The following MYO5C variants were observed in gnomAD, a reference collection of about 807,000 sequenced individuals.
MYO5C encodes the protein myosin VC, also known as unconventional myosin-Vc.
In MYO5C, 194 loss-of-function variants were observed where a neutral mutation model predicts 235.7. That is an observed-to-expected ratio of 0.82 (90% CI 0.73 to 0.93). The LOEUF is 0.93. Among genes scored for constraint, MYO5C ranks in the 40% least tolerant of loss-of-function variants. MYO5C has a pLI of 0.00. For synonymous variants in MYO5C, 707 were observed against 754.8 expected, an observed-to-expected ratio of 0.94 and a Z score of 1.04; for missense variants, 2,038 against 2,127.2, an observed-to-expected ratio of 0.96 and a Z score of 0.82.
chr15:52,247,031 G>C lies in MYO5C; in HGVS notation c.1882-17C>G. 2 of 1,602,250 alleles carry C rather than the reference G, an allele frequency of 1.2e-6. No homozygotes were observed. Among genetic ancestry groups the C allele is most frequent in the African/African-American group, 2.7e-5 (2 of 74,674 alleles). ...GCTGCGGAACTAGGAAACAAAGCTA[G>C]AGATCAAACATGGCTCTGAAATAAT... On this transcript the variant is annotated splice_polypyrimidine_tract_variant and intron_variant, in intron 15 of 40. Transcript: ENST00000261839.
chr15:52,260,443 T>G (rs2036670175), intron 10 of MYO5C, among the ~76,000 whole-genome samples: 1 of 152,208 alleles, frequency 6.6e-6, no homozygotes, highest in Non-Finnish European at 1.5e-5. Context: ...CAGGGGCCTT[T>G]GGTGGGAAAA....
At chr15:52,226,839 G>A (rs1448763254) in intron 25 of MYO5C, among the ~76,000 whole-genome samples, 3 of 152,290 alleles carry the variant, frequency 2.0e-5, no homozygotes, top group Non-Finnish European at 4.4e-5. Flanking sequence ...TGATGATCAT[G>A]AGTTATTTTC....
At chr15:52,278,186 G>C (rs1036419182) in intron 4 of MYO5C, among the ~76,000 whole-genome samples, 4 of 152,216 alleles carry the variant, frequency 2.6e-5, no homozygotes, top group African/African-American at 9.6e-5. Flanking sequence ...AGACACTGAA[G>C]CCAAAAGTGA....
intron 10 of MYO5C, among the ~76,000 whole-genome samples, chr15:52,257,702 G>C (rs1343042177): frequency 6.6e-6 from 1 of 152,224 alleles, no homozygotes; most frequent in Non-Finnish European, 1.5e-5. Flanking sequence ...ACGAGGGTCA[G>C]AGAAGGAGTG....
intron 16 of MYO5C, among the ~76,000 whole-genome samples, chr15:52,246,280 G>C (rs904977235): frequency 1.3e-5 from 2 of 152,206 alleles, no homozygotes; most frequent in Admixed American, 1.3e-4. Context: ...AGAAGGCCAT[G>C]GGGGAACTGG....
intron 36 of MYO5C, among the ~76,000 whole-genome samples, chr15:52,206,508 G>C (rs2141268669): frequency 6.6e-6 from 1 of 152,222 alleles, no homozygotes; most frequent in South Asian, 2.1e-4. Context: ...ATAGGGCCGT[G>C]ATCTAATAAT....
At chr15:52,281,262 A>G (rs942699682) in intron 2 of MYO5C, among the ~76,000 whole-genome samples, 1 of 152,108 alleles carries the variant, frequency 6.6e-6, no homozygotes, top group African/African-American at 2.4e-5. Flanking sequence ...CAGAGGTGAC[A>G]TTTTCCTACA....
intron 36 of MYO5C, among the ~76,000 whole-genome samples, chr15:52,206,641 A>G (rs1004617506): frequency 6.6e-6 from 1 of 152,186 alleles, no homozygotes; most frequent in South Asian, 2.1e-4. Context: ...GGCTGTCAGC[A>G]AGCCAGGAAG....
chr15:52,287,495 A>G (rs1596236873), intron 1 of MYO5C, among the ~76,000 whole-genome samples: 1 of 152,350 alleles, frequency 6.6e-6, no homozygotes, highest in South Asian at 2.1e-4. Flanking sequence ...ATATGTACCT[A>G]TTACTTTCAT....
intron 2 of MYO5C, among the ~76,000 whole-genome samples, chr15:52,282,384 A>T (rs565408954): frequency 1.1e-4 from 16 of 152,240 alleles, no homozygotes; most frequent in African/African-American, 3.4e-4. Context: ...CTACCAGCGT[A>T]TGCCTTGGGC....
rs2036756773 is a variant in MYO5C, at chr15:52,264,304, C to G, written c.941-8G>C. On this transcript the variant is annotated splice_region_variant and splice_polypyrimidine_tract_variant and intron_variant, in intron 8 of 40. Coordinates refer to ENST00000261839, the MANE Select transcript of MYO5C (RefSeq NM_018728.4). ...GAAAATCCTCCTTGAAACCTAAAAA[C>G]AAACATTTTCCCAGATTAGAATACT... 6.2e-7 allele frequency: 1 copy of G among 1,605,038 alleles called. No homozygotes were observed. The highest frequency in any genetic ancestry group is 1.7e-5 in the Admixed American group (1 of 59,814).
intron 18 of MYO5C, 59 bp from the exon 19 acceptor site, chr15:52,244,626 T>A: frequency 7.8e-7 from 1 of 1,284,726 alleles, no homozygotes; most frequent in Non-Finnish European, 1.1e-6. Context: ...TATAATACAG[T>A]ATTTGGAAAA....
intron 21 of MYO5C, among the ~76,000 whole-genome samples, chr15:52,238,039 G>A (rs1386984785): frequency 3.9e-5 from 6 of 152,116 alleles, no homozygotes; most frequent in African/African-American, 1.4e-4. Flanking sequence ...GTGAGCCCTA[G>A]TCCAATAAGA....
In MYO5C at chr15:52,222,610, G is replaced by C. The variant is rs146431349; in HGVS notation, c.3627+934C>G. ...GCAGGCAGAGTCAGCCAGTGGTGGG[G>C]ACACACGACAGAATGGGGTGGTGGG... is the stretch of plus-strand genomic sequence containing the variant. On this transcript the variant is annotated intron_variant, in intron 29 of 40. Coordinates refer to ENST00000261839, the MANE Select transcript of MYO5C (RefSeq NM_018728.4). 4.8e-3 allele frequency among the ~76,000 whole-genome samples: 723 copies of C among 149,894 alleles called. 9 individuals are homozygous for C. The highest frequency in any genetic ancestry group is 0.017 in the African/African-American group (692 of 40,742).
intron 2 of MYO5C, 111 bp from the exon 3 acceptor site, chr15:52,279,785 T>A: frequency 9.7e-7 from 1 of 1,033,200 alleles, no homozygotes; most frequent in Non-Finnish European, 1.4e-6. Context: ...TCACTGACAT[T>A]AAAAAGCAAA....
Position 52,205,163 on chromosome 15 carries a change from G to T in MYO5C, c.4538-16C>A. ...ATTCCCGGAACTGCGGAGAGACAGG[G>T]AGGCTGTGCTGACACGCCAGGAGAC... On this transcript the variant is annotated splice_polypyrimidine_tract_variant and intron_variant, in intron 37 of 40. Coordinates refer to ENST00000261839, the MANE Select transcript of MYO5C (RefSeq NM_018728.4). 6.2e-7 allele frequency: 1 copy of T among 1,611,126 alleles called. No homozygotes were observed. The highest frequency in any genetic ancestry group is 8.5e-7 in the Non-Finnish European group (1 of 1,178,260).
intron 23 of MYO5C, among the ~76,000 whole-genome samples, chr15:52,234,055 A>G (rs2036025935): frequency 6.6e-6 from 1 of 152,252 alleles, no homozygotes; most frequent in African/African-American, 2.4e-5. Context: ...TTAGAAGCCA[A>G]CACGTTTTAT....
At chr15:52,212,033 C>A in intron 34 of MYO5C, 149 bp from the exon 35 acceptor site, 4 of 703,408 alleles carry the variant, frequency 5.7e-6, no homozygotes, top group Non-Finnish European at 8.7e-6. Context: ...TGAGGAATTC[C>A]ATCTGGCTCC....
chr15:52,267,676 A>G (rs2036840186), intron 8 of MYO5C, among the ~76,000 whole-genome samples: 2 of 152,130 alleles, frequency 1.3e-5, no homozygotes, highest in Non-Finnish European at 2.9e-5. Flanking sequence ...ACAGAGCGAG[A>G]CTCCATCTCA....
Sources: allele counts gnomAD v4.1 joint callset (sites outside exome capture counted in the v4.1 genomes callset), GRCh38; gene constraint gnomAD v4.1.1; transcripts MANE v1.5; gene names NCBI Gene and HGNC (gene_info 2026-07-23, HGNC 2026-07-21).